ZNF280C: variants seen among roughly 807,000 people sequenced by gnomAD.
The protein encoded by ZNF280C is suppressor of hairy wing homolog 3.
ZNF280C carries 14 observed loss-of-function variants against 53.6 expected under a neutral mutation model. That is an observed-to-expected ratio of 0.26 (90% CI 0.17 to 0.41). The LOEUF (loss-of-function observed/expected upper bound fraction) is 0.41. ZNF280C is among the 10% of genes least tolerant of loss of function. The pLI is 1.00. For missense variants in ZNF280C, 416 were observed against 547.1 expected (o/e 0.76, Z 2.39); for synonymous variants, 203 against 181.1 (o/e 1.12, Z -0.97).
chrX:130,206,273 C>T (rs918302116), intron 16 of ZNF280C, among the ~76,000 whole-genome samples: 1 of 109,326 alleles, frequency 9.1e-6, no homozygotes, highest in Admixed American at 9.9e-5. Context: ...ACAAAGCATA[C>T]ATATACTTTT....
At chrX:130,212,892 T>C (rs1017535233) in intron 15 of ZNF280C, among the ~76,000 whole-genome samples, 1 of 111,189 alleles carries the variant, frequency 9.0e-6, no homozygotes, top group Non-Finnish European at 1.9e-5. Context: ...TTAAAAAAAG[T>C]GGGACATGTC....
chrX:130,207,734 T>C lies in ZNF280C; in HGVS notation c.2042+1919A>G, dbSNP rs959662426. On this transcript the variant is annotated intron_variant, in intron 16 of 18. Transcript: ENST00000370978. Reference sequence around the variant, plus strand: ...TCCAAATTTTACTCCTAGTTATTCATTGTCATTCCGGAGAATGTGTATAGT... The same window carrying C: ...TCCAAATTTTACTCCTAGTTATTCACTGTCATTCCGGAGAATGTGTATAGT... Among the ~76,000 whole-genome samples, 6 of 112,079 alleles carry C rather than the reference T, an allele frequency of 5.4e-5. No homozygotes were observed. The South Asian group carries it at 1.1e-3, about 21-fold the overall frequency.
intron 2 of ZNF280C, among the ~76,000 whole-genome samples, chrX:130,258,135 A>G (rs2032594675): frequency 9.0e-6 from 1 of 111,582 alleles, no homozygotes; most frequent in African/African-American, 3.3e-5. Context: ...TAAAAAATAA[A>G]TAATAAATAA....
chrX:130,264,644 G>C (rs2032669333), intron 1 of ZNF280C, among the ~76,000 whole-genome samples: 1 of 110,506 alleles, frequency 9.0e-6, no homozygotes, highest in African/African-American at 3.3e-5. Flanking sequence ...AAAAAACCTT[G>C]CTATTATTTA....
At chrX:130,250,512 CACCA>C (rs2032496024) in intron 2 of ZNF280C, among the ~76,000 whole-genome samples, 2 of 111,951 alleles carry the variant, frequency 1.8e-5, no homozygotes, top group Non-Finnish European at 3.8e-5. Context: ...CCTCTATGCA[CACCA>C]ACTAGAAAAT....
chrX:130,245,344 T>C (rs1368896257), intron 3 of ZNF280C, among the ~76,000 whole-genome samples: 8 of 111,782 alleles, frequency 7.2e-5, no homozygotes, highest in Non-Finnish European at 1.1e-4. Flanking sequence ...TATGGTAATA[T>C]TTCAGCATAA....
At chrX:130,223,329 A>G (rs1331336926) in intron 12 of ZNF280C, among the ~76,000 whole-genome samples, 1 of 112,252 alleles carries the variant, frequency 8.9e-6, no homozygotes, top group Non-Finnish European at 1.9e-5. Flanking sequence ...AAGTGCTGGG[A>G]TTACAGGCAT....
intron 3 of ZNF280C, among the ~76,000 whole-genome samples, chrX:130,245,918 G>T (rs1219842640): frequency 1.8e-5 from 2 of 110,026 alleles, no homozygotes; most frequent in Non-Finnish European, 3.8e-5. Flanking sequence ...CTGAGTAGCT[G>T]GGACTACAGG....
At chrX:130,264,010 G>A (rs1267322349) in intron 1 of ZNF280C, among the ~76,000 whole-genome samples, 1 of 89,237 alleles carries the variant, frequency 1.1e-5, no homozygotes, top group Non-Finnish European at 2.1e-5. Flanking sequence ...GGGAGACAGA[G>A]TGAGACACCA....
At chrX:130,264,707 AACTC>A (rs908894285) in intron 1 of ZNF280C, among the ~76,000 whole-genome samples, 14 of 110,952 alleles carry the variant, frequency 1.3e-4, no homozygotes, top group Middle Eastern at 4.7e-3. Context: ...AGGTATGAAA[AACTC>A]AATAGAAGTA....
intron 5 of ZNF280C, among the ~76,000 whole-genome samples, chrX:130,241,947 C>G (rs2032394627): frequency 1.0e-5 from 1 of 100,041 alleles, no homozygotes. Flanking sequence ...ATAATAGTGC[C>G]CATCTCAGCT....
At chrX:130,207,167 C>G (rs2031985213) in intron 16 of ZNF280C, among the ~76,000 whole-genome samples, 1 of 111,292 alleles carries the variant, frequency 9.0e-6, no homozygotes, top group Admixed American at 9.6e-5. Flanking sequence ...CCTTAACCAG[C>G]CTATGTGTCT....
intron 2 of ZNF280C, among the ~76,000 whole-genome samples, chrX:130,258,248 T>C (rs1482223590): frequency 8.9e-6 from 1 of 112,512 alleles, no homozygotes; most frequent in Non-Finnish European, 1.9e-5. Context: ...GGTTCTGGCT[T>C]AGACAATGAT....
intron 1 of ZNF280C, among the ~76,000 whole-genome samples, chrX:130,268,469 G>A (rs1427556741): frequency 8.9e-6 from 1 of 112,247 alleles, no homozygotes; most frequent in Admixed American, 9.3e-5. Context: ...CAGGACTCAG[G>A]AGGTGAGAAG....
intron 1 of ZNF280C, among the ~76,000 whole-genome samples, chrX:130,267,005 G>A (rs1461789425): frequency 1.5e-4 from 17 of 109,939 alleles, no homozygotes; most frequent in Admixed American, 1.4e-3. Context: ...GGAGGCTGAG[G>A]TAGCAGAATC....
intron 1 of ZNF280C, among the ~76,000 whole-genome samples, chrX:130,263,469 G>T (rs1270893525): frequency 8.9e-6 from 1 of 112,041 alleles, no homozygotes; most frequent in African/African-American, 3.2e-5. Flanking sequence ...ACCACATATT[G>T]TATGATTTCA....
chrX:130,242,778 G>A lies in ZNF280C; in HGVS notation c.381+785C>T, dbSNP rs182469315. On this transcript the variant is annotated intron_variant, in intron 5 of 18. Coordinates refer to ENST00000370978, the MANE Select transcript of ZNF280C (RefSeq NM_017666.5). ...ACTGGTCTTGAACTCCTGACCTCAG[G>A]TGATCCACCCACCTCGGCCTCCCAA... is the stretch of plus-strand genomic sequence containing the variant. Among the ~76,000 whole-genome samples, 3 of 112,011 alleles carry A rather than the reference G, an allele frequency of 2.7e-5. No individual in the cohort carries two copies. In the East Asian group the frequency reaches 8.4e-4, roughly 31 times the overall value.
At chrX:130,257,408 G>A (rs1181635977) in intron 2 of ZNF280C, among the ~76,000 whole-genome samples, 1 of 111,109 alleles carries the variant, frequency 9.0e-6, no homozygotes. Context: ...ATGATTTACT[G>A]AAAAATTCAG....
intron 2 of ZNF280C, among the ~76,000 whole-genome samples, chrX:130,249,209 T>C (rs145362273): frequency 4.1e-3 from 456 of 111,350 alleles, no homozygotes; most frequent in African/African-American, 0.014. Flanking sequence ...AGCATGACCA[T>C]ACACACAGTT....
Sources: gnomAD v4.1 joint callset for allele counts (sites outside exome capture counted in the v4.1 genomes callset) on GRCh38, gnomAD v4.1.1 for gene constraint, MANE v1.5 for transcripts, NCBI Gene and HGNC (gene_info 2026-07-23, HGNC 2026-07-21) for gene names.